The following SOCS6 variants were observed in gnomAD, a reference collection of about 807,000 sequenced individuals.
SOCS6 encodes STAT induced STAT inhibitor-4.
SOCS6 carries 5 observed loss-of-function variants against 27.7 expected under a neutral mutation model. The ratio of observed to expected loss-of-function variants is 0.18; its 90% CI spans 0.09 to 0.38. SOCS6 has a LOEUF of 0.38. SOCS6 is among the 10% of genes least tolerant of loss of function. The pLI is 1.00. For synonymous variants in SOCS6, 271 were observed against 260.0 expected (o/e 1.04, Z -0.41); for missense variants, 595 against 688.1 (o/e 0.86, Z 1.51).
In SOCS6 at chr18:70,326,127, C is replaced by T. The variant is rs1321237863; in HGVS notation, c.1459C>T (p.Leu487=). 4 of 1,614,098 alleles carry T rather than the reference C, an allele frequency of 2.5e-6. No individual in the cohort carries two copies. The highest frequency in any genetic ancestry group is 1.3e-5 in the African/African-American group (1 of 74,924). ...TGGATCTGCAACTTACCCCGTCAGA[C>T]TGACCAACCCAGTGTCCCGGTTCAT... The part of the protein sequence containing the change: ...LPGSATYPVR[L]TNPVSRFMQV... Residue 487 remains leucine, a synonymous_variant, in exon 2 of 2, where the codon CTG becomes TTG. Coordinates refer to ENST00000397942, the MANE Select transcript of SOCS6 (RefSeq NM_004232.4).
intron 1 of SOCS6, among the ~76,000 whole-genome samples, chr18:70,312,254 A>C (rs897967534): frequency 1.3e-5 from 2 of 152,238 alleles, no homozygotes; most frequent in African/African-American, 2.4e-5. Flanking sequence ...CTTGGCACAT[A>C]GTAGGCCAAT....
intron 1 of SOCS6, among the ~76,000 whole-genome samples, chr18:70,312,512 G>A (rs1291122115): frequency 6.6e-6 from 1 of 152,050 alleles, no homozygotes; most frequent in Non-Finnish European, 1.5e-5. Context: ...TCAATCATGA[G>A]TTATGAGTGC....
chr18:70,293,907 A>G (rs1204933588), intron 1 of SOCS6, among the ~76,000 whole-genome samples: 2 of 152,112 alleles, frequency 1.3e-5, no homozygotes, highest in Admixed American at 6.5e-5. Flanking sequence ...CCTGGCCAAC[A>G]TAGTGAAACC....
rs143710418 is a variant in SOCS6, at chr18:70,318,390, G to T, written c.-126-6153G>T. 2.1e-3 allele frequency among the ~76,000 whole-genome samples: 322 copies of T among 152,218 alleles called. 3 individuals carry two copies. The highest frequency in any genetic ancestry group is 7.7e-3 in the African/African-American group (319 of 41,534). On this transcript the variant is annotated intron_variant, in intron 1 of 1. Coordinates refer to ENST00000397942, the MANE Select transcript of SOCS6 (RefSeq NM_004232.4). The stretch of plus-strand genomic sequence containing the variant: ...GCATCTGAGCATCACCCATGCCCGG[G>T]AGCTGTCTTTGGTGTTGGAGATACA...
intron 1 of SOCS6, among the ~76,000 whole-genome samples, chr18:70,293,988 G>A (rs1020048587): frequency 1.3e-5 from 2 of 152,072 alleles, no homozygotes; most frequent in African/African-American, 4.8e-5. Flanking sequence ...CTACTCGGGA[G>A]GCTGAGACAG....
At position 70,326,649 on chromosome 18, in the gene SOCS6, A is replaced by G. The variant is rs1327845033; in HGVS notation, c.*373A>G. The G allele has an allele frequency of 5.1e-6, 1 of 196,760 alleles. No homozygotes were observed. Among genetic ancestry groups the G allele is most frequent in the Non-Finnish European group, 1.2e-5 (1 of 85,862 alleles). The allele number at this position is 196,760 out of a possible 1,614,324, so 12.2% of individuals were successfully genotyped here. A position where few individuals can be genotyped will look rare whatever the true frequency, so the allele number is the denominator to read the frequency against. ...TGTATTCAACCCTAAGTAAAGTTGA[A>G]TGAAACTTAACAGAATGGAAATTGC... On this transcript the variant is annotated 3_prime_UTR_variant, in exon 2 of 2. Coordinates refer to ENST00000397942, the MANE Select transcript of SOCS6 (RefSeq NM_004232.4).
At chr18:70,302,471 A>G (rs1377030744) in intron 1 of SOCS6, among the ~76,000 whole-genome samples, 3 of 152,200 alleles carry the variant, frequency 2.0e-5, no homozygotes, top group Non-Finnish European at 4.4e-5. Flanking sequence ...GGCCTTGACT[A>G]CAAAGTGAGA....
At chr18:70,311,663 A>G (rs1243307492) in intron 1 of SOCS6, among the ~76,000 whole-genome samples, 3 of 152,126 alleles carry the variant, frequency 2.0e-5, no homozygotes, top group Non-Finnish European at 4.4e-5. Flanking sequence ...ACTTGTATAT[A>G]TTTTGAAACA....
At chr18:70,323,402 C>T (rs1911060567) in intron 1 of SOCS6, among the ~76,000 whole-genome samples, 1 of 152,076 alleles carries the variant, frequency 6.6e-6, no homozygotes, top group Non-Finnish European at 1.5e-5. Flanking sequence ...GAAATCCTGT[C>T]ATTTCAGTGT....
At chr18:70,300,206 A>G (rs2062342271) in intron 1 of SOCS6, among the ~76,000 whole-genome samples, 1 of 152,066 alleles carries the variant, frequency 6.6e-6, no homozygotes, top group African/African-American at 2.4e-5. Context: ...GACTCACTGC[A>G]ACCTCTGTCT....
chr18:70,305,511 G>A (rs1409970657), intron 1 of SOCS6, among the ~76,000 whole-genome samples: 1 of 152,162 alleles, frequency 6.6e-6, no homozygotes, highest in East Asian at 1.9e-4. Context: ...AAGCACTTTC[G>A]AAATTGGATA....
intron 1 of SOCS6, among the ~76,000 whole-genome samples, chr18:70,300,887 T>C (rs1297424436): frequency 6.6e-6 from 1 of 152,248 alleles, no homozygotes; most frequent in African/African-American, 2.4e-5. Context: ...CTTTTTTAAA[T>C]CTACCTTTGT....
chr18:70,304,896 G>A (rs2062362690), intron 1 of SOCS6, among the ~76,000 whole-genome samples: 1 of 152,132 alleles, frequency 6.6e-6, no homozygotes, highest in South Asian at 2.1e-4. Flanking sequence ...GAGTCACAAA[G>A]TTTTTTTAAA....
At chr18:70,305,463 G>T (rs549959591) in intron 1 of SOCS6, among the ~76,000 whole-genome samples, 3 of 152,202 alleles carry the variant, frequency 2.0e-5, no homozygotes, top group Non-Finnish European at 4.4e-5. Context: ...GCCAGTCTCT[G>T]TGTCAGCAGC....
In SOCS6 at chr18:70,324,806, C is replaced by T; in HGVS notation, c.138C>T (p.Cys46=). The change falls in exon 2 of 2, where the codon TGC becomes TGT. Residue 46 remains cysteine (C), a synonymous_variant. Coordinates refer to ENST00000397942, the MANE Select transcript of SOCS6 (RefSeq NM_004232.4). ...AAGATGATTCCTTATTTGGTAGCTG[C>T]TATGGTAAAGATATGGCCAGCTGCG... ...FGKDDSLFGS[C]YGKDMASCDI... is the part of the protein sequence containing the mutation. 1 of 1,614,082 alleles carries T rather than the reference C, an allele frequency of 6.2e-7. No homozygotes were observed. Among genetic ancestry groups the T allele is most frequent in the South Asian group, 1.1e-5 (1 of 91,078 alleles).
chr18:70,311,316 G>A (rs1477412437), intron 1 of SOCS6, among the ~76,000 whole-genome samples: 3 of 152,182 alleles, frequency 2.0e-5, no homozygotes, highest in Non-Finnish European at 4.4e-5. Flanking sequence ...AAGGCATGAG[G>A]CTGATACTTT....
At chr18:70,304,927 C>G (rs914594120) in intron 1 of SOCS6, among the ~76,000 whole-genome samples, 1 of 152,164 alleles carries the variant, frequency 6.6e-6, no homozygotes, top group African/African-American at 2.4e-5. Flanking sequence ...AGTTTCATGG[C>G]CGAGCGCGGT....
chr18:70,324,975 A>G lies in SOCS6; in HGVS notation c.307A>G (p.Thr103Ala). Reference protein sequence around the residue: ...TPSGSSADEDTFSSSSAPIVF... With the variant: ...TPSGSSADEDAFSSSSAPIVF... ...CTCTGGGAGCTCTGCCGACGAGGACACCTTCTCCTCCTCCTCAGCACCCAT... is the reference window on the plus strand; with the variant it reads ...CTCTGGGAGCTCTGCCGACGAGGACGCCTTCTCCTCCTCCTCAGCACCCAT... Residue 103 changes from threonine to alanine, a missense_variant, in exon 2 of 2, where the codon ACC (threonine) becomes GCC (alanine). Transcript: ENST00000397942. The G allele has an allele frequency of 6.2e-7, 1 of 1,614,020 alleles. No homozygotes were observed. Among genetic ancestry groups the G allele is most frequent in the Non-Finnish European group, 8.5e-7 (1 of 1,179,968 alleles).
rs773701768 is a variant in SOCS6, at chr18:70,325,162, G to A, written c.494G>A (p.Ser165Asn). Reference protein sequence around the residue: ...VKALVHSSSPSPALNGVRKDF... With the variant: ...VKALVHSSSPNPALNGVRKDF... ...GCCTTGGTTCACTCTTCCAGCCCGAGTCCAGCCCTGAATGGCGTCCGGAAG... is the reference window on the plus strand; with the variant it reads ...GCCTTGGTTCACTCTTCCAGCCCGAATCCAGCCCTGAATGGCGTCCGGAAG... Residue 165 changes from serine (S) to asparagine (N), a missense_variant, in exon 2 of 2, where the codon AGT becomes AAT. Physicochemically the swap from Ser to Asn is conservative, Grantham distance 46. This residue lies in a region of SOCS6 where 467 missense variants were observed against 481.1 expected (regional missense o/e 0.97). Coordinates refer to ENST00000397942, the MANE Select transcript of SOCS6 (RefSeq NM_004232.4). This position sits in a 1 kb window ranked among gnomAD's most constrained non-coding sequence, Gnocchi z 6.3. The A allele has an allele frequency of 6.2e-7, 1 of 1,614,118 alleles. No homozygotes were observed. Among genetic ancestry groups the A allele is most frequent in the Non-Finnish European group, 8.5e-7 (1 of 1,179,988 alleles).
Sources: allele counts gnomAD v4.1 joint callset (sites outside exome capture counted in the v4.1 genomes callset), GRCh38; gene constraint gnomAD v4.1.1; regional missense constraint gnomAD v4.1.1; non-coding constraint Gnocchi (gnomAD v3.1); transcripts MANE v1.5; gene names NCBI Gene and HGNC (gene_info 2026-07-23, HGNC 2026-07-21).